Variants in JAK2 observed in about 807,000 individuals in gnomAD.
JAK2 encodes the protein Janus kinase 2.
A neutral mutation model predicts 139.3 loss-of-function variants in JAK2; 86 were observed. The observed-to-expected ratio is 0.62, with a 90% CI of 0.52 to 0.74. JAK2 has a LOEUF of 0.74. Among genes scored for constraint, JAK2 ranks in the 30% least tolerant of loss-of-function variants. JAK2 has a pLI of 0.00. For synonymous variants in JAK2, 490 were observed against 437.7 expected (o/e 1.12, Z -1.49); for missense variants, 1,421 against 1,360.3 (o/e 1.04, Z -0.70).
intron 3 of JAK2, 122 bp from the exon 4 acceptor site, chr9:5,029,661 T>A: frequency 1.3e-6 from 1 of 790,426 alleles, no homozygotes; most frequent in South Asian, 2.1e-5. Flanking sequence ...AGATTTCGAC[T>A]GCTATTACAT....
intron 2 of JAK2, among the ~76,000 whole-genome samples, chr9:4,992,086 C>T: frequency 6.6e-6 from 1 of 152,154 alleles, no homozygotes; most frequent in East Asian, 1.9e-4. Flanking sequence ...GCTACTAGGA[C>T]ATGAGTTGGG....
chr9:5,109,741 ATATT>A (rs1564013086), intron 22 of JAK2: 1 of 152,170 alleles, frequency 6.6e-6, no homozygotes, highest in Non-Finnish European at 1.5e-5. Flanking sequence ...CTTCTCCATA[ATATT>A]TATTCTAGTA....
chr9:5,087,600 T>TAAAAGTGAGAC (rs1820233039), intron 19 of JAK2, among the ~76,000 whole-genome samples: 1 of 152,222 alleles, frequency 6.6e-6, no homozygotes, highest in African/African-American at 2.4e-5. Flanking sequence ...CATTCCGAAT[T>TAAAAGTGAGAC]AAAAGTGAGA....
intron 2 of JAK2, among the ~76,000 whole-genome samples, chr9:5,021,234 C>G (rs889504504): frequency 1.3e-5 from 2 of 152,182 alleles, no homozygotes; most frequent in African/African-American, 4.8e-5. Context: ...TCCGTGTTCT[C>G]TCTTAGATGA....
intron 3 of JAK2, 108 bp downstream of exon 3, chr9:5,022,321 G>A (rs1822483984): frequency 3.0e-6 from 2 of 672,690 alleles, no homozygotes; most frequent in Non-Finnish European, 2.4e-6. Context: ...TTTAATGCTT[G>A]TATGGCTGGC....
At chr9:5,025,816 G>T (rs1822749840) in intron 3 of JAK2, among the ~76,000 whole-genome samples, 1 of 152,104 alleles carries the variant, frequency 6.6e-6, no homozygotes, top group South Asian at 2.1e-4. Flanking sequence ...ACTGCACCCA[G>T]CCAGAATCTA....
chr9:5,029,871 T>C lies in JAK2; in HGVS notation c.315T>C (p.Asp105=). The part of the protein sequence containing the change: ...WYPPNHVFHI[D]ESTRHNVLYR... ...CACCCAACCATGTCTTCCATATAGA[T>C]GAGTCAACCAGGCATAATGTACTCT... The change falls in exon 4 of 25, where the codon GAT becomes GAC. Residue 105 remains aspartate, a synonymous_variant. Coordinates refer to ENST00000381652, the MANE Select transcript of JAK2 (RefSeq NM_004972.4). The C allele has an allele frequency of 6.2e-7, 1 of 1,612,728 alleles. No individual in the cohort carries two copies.
chr9:5,120,793 G>A (rs1823555135), intron 22 of JAK2, among the ~76,000 whole-genome samples: 1 of 152,216 alleles, frequency 6.6e-6, no homozygotes, highest in African/African-American at 2.4e-5. Context: ...TTAGACACTG[G>A]AGTGAAAGAT....
intron 2 of JAK2, among the ~76,000 whole-genome samples, chr9:5,007,266 C>G (rs1821367902): frequency 6.6e-6 from 1 of 152,084 alleles, no homozygotes; most frequent in South Asian, 2.1e-4. Context: ...TTAGTATACA[C>G]TTTTACTGCG....
chr9:5,104,792 AAC>A (rs1364188567), intron 22 of JAK2, among the ~76,000 whole-genome samples: 2 of 152,210 alleles, frequency 1.3e-5, no homozygotes, highest in Non-Finnish European at 2.9e-5. Flanking sequence ...ACATAAACAG[AAC>A]CAATGACAAA....
chr9:5,041,896 G>A, intron 4 of JAK2: 1 of 415,916 alleles, frequency 2.4e-6, no homozygotes, highest in African/African-American at 2.1e-5. Flanking sequence ...CAGGGCGCCT[G>A]CAGAGATGGA....
intron 22 of JAK2, chr9:5,094,444 A>G (rs1766661931): frequency 6.6e-6 from 1 of 152,162 alleles, no homozygotes; most frequent in Admixed American, 6.6e-5. Context: ...ATAAGCATCC[A>G]ATTCAAATTA....
At chr9:4,988,728 C>T (rs559578935) in intron 2 of JAK2, among the ~76,000 whole-genome samples, 1 of 152,284 alleles carries the variant, frequency 6.6e-6, no homozygotes, top group South Asian at 2.1e-4. Flanking sequence ...CTAGTCACTT[C>T]CTGGTTTTTC....
intron 4 of JAK2, among the ~76,000 whole-genome samples, chr9:5,042,170 G>T (rs1180241562): frequency 7.4e-6 from 1 of 135,716 alleles, no homozygotes; most frequent in Non-Finnish European, 1.5e-5. Context: ...TCGCTTTGTC[G>T]CCCAGGCCGG....
chr9:4,986,622 G>T (rs1434646090), intron 2 of JAK2, among the ~76,000 whole-genome samples: 1 of 152,146 alleles, frequency 6.6e-6, no homozygotes, highest in Non-Finnish European at 1.5e-5. Context: ...GTGAGTTGTT[G>T]GGCTACTGCA....
intron 5 of JAK2, among the ~76,000 whole-genome samples, chr9:5,046,298 C>G (rs1394874707): frequency 6.6e-6 from 1 of 152,102 alleles, no homozygotes; most frequent in Admixed American, 6.5e-5. Flanking sequence ...AATTATTATT[C>G]TGGATCTTAA....
intron 2 of JAK2, among the ~76,000 whole-genome samples, chr9:5,006,688 C>T (rs1331385881): frequency 1.3e-5 from 2 of 152,140 alleles, no homozygotes; most frequent in South Asian, 4.1e-4. Context: ...AGATCTCATG[C>T]AAACTCACTC....
At chr9:5,021,163 G>A (rs956682231) in intron 2 of JAK2, among the ~76,000 whole-genome samples, 4 of 152,122 alleles carry the variant, frequency 2.6e-5, no homozygotes, top group African/African-American at 9.7e-5. Context: ...GGCTGAGCAG[G>A]CTGCCCCACT....
rs150675431 is a variant in JAK2, at chr9:5,050,742, G to C, written c.525G>C (p.Gln175His). Residue 175 changes from glutamine to histidine, a missense_variant, in exon 6 of 25, where the codon CAG (glutamine) becomes CAC (histidine). Gln to His is a conservative substitution (Grantham distance 24, BLOSUM62 0). Transcript: ENST00000381652. ...WIKVPVTHET[Q>H]EECLGMAVLD... ...AAGTACCTGTGACTCATGAAACACA[G>C]GAAGAATGTCTTGGGATGGCAGTGT... 6 of 1,613,764 alleles carry C rather than the reference G, an allele frequency of 3.7e-6. No homozygotes were observed. Among genetic ancestry groups the C allele is most frequent in the Non-Finnish European group, 8.5e-7 (1 of 1,179,848 alleles).
Sources: gnomAD v4.1 joint callset for allele counts (sites outside exome capture counted in the v4.1 genomes callset) on GRCh38, gnomAD v4.1.1 for gene constraint, MANE v1.5 for transcripts, NCBI Gene and HGNC (gene_info 2026-07-23, HGNC 2026-07-21) for gene names.